RTN4RL1: variants seen among roughly 807,000 people sequenced by gnomAD.
RTN4RL1 encodes the protein reticulon 4 receptor like 1.
In RTN4RL1, 7 loss-of-function variants were observed where a neutral mutation model predicts 25.6. The observed-to-expected ratio is 0.27, with a 90% CI of 0.16 to 0.51. The LOEUF is 0.51. Among genes scored for constraint, RTN4RL1 ranks in the 20% least tolerant of loss-of-function variants. RTN4RL1 has a pLI of 0.97. For missense variants in RTN4RL1, 500 were observed against 615.6 expected (o/e 0.81, Z 1.99); for synonymous variants, 297 against 288.2 (o/e 1.03, Z -0.31).
In RTN4RL1 at chr17:1,937,432, G is replaced by A; in HGVS notation, c.390C>T (p.Leu130=). The A allele has an allele frequency of 6.2e-7, 1 of 1,613,864 alleles. No individual in the cohort carries two copies. The highest frequency in any genetic ancestry group is 1.3e-5 in the African/African-American group (1 of 75,030). ...TFQGLVKLHA[L]YLYKCGLSAL... is the part of the protein sequence containing the mutation. ...CGCTGAGCCCACACTTGTAGAGGTA[G>A]AGGGCGTGAAGCTTCACCAGGCCCT... Residue 130 remains leucine (L), a synonymous_variant, in exon 2 of 2, where the codon CTC becomes CTT. Coordinates refer to ENST00000331238, the MANE Select transcript of RTN4RL1 (RefSeq NM_178568.4).
chr17:2,002,990 A>G (rs538466083), intron 1 of RTN4RL1: 2 of 152,260 alleles, frequency 1.3e-5, no homozygotes, highest in African/African-American at 4.8e-5. Context: ...CCCTCCACCA[A>G]TAACAGGCCT....
intron 1 of RTN4RL1, chr17:2,020,803 G>T (rs868667317): frequency 2.0e-5 from 3 of 152,208 alleles, no homozygotes; most frequent in African/African-American, 7.2e-5. Context: ...TTAAGGAAAG[G>T]TTCTGTATTA....
At chr17:2,023,084 A>G (rs2067229716) in intron 1 of RTN4RL1, among the ~76,000 whole-genome samples, 1 of 152,202 alleles carries the variant, frequency 6.6e-6, no homozygotes, top group African/African-American at 2.4e-5. Flanking sequence ...TAAACTGCCA[A>G]AAGACAAAAG....
At position 1,964,788 on chromosome 17, in the gene RTN4RL1, CTT is replaced by C. The variant is rs34138766; in HGVS notation, c.14-26982_14-26981del. On this transcript the variant is annotated intron_variant, in intron 1 of 1. Transcript: ENST00000331238. ...TTACAGTTTGCATTTCTTTTCTTTT[CTT>C]TTTTTTTTTTTTTTTTGAGATGGAG... is the stretch of plus-strand genomic sequence containing the variant. Among the ~76,000 whole-genome samples, 414 of 124,684 alleles carry C rather than the reference CTT, an allele frequency of 3.3e-3. 1 individual carries two copies. Among genetic ancestry groups the C allele is most frequent in the African/African-American group, 0.011 (384 of 33,450 alleles). The allele number at this position is 124,684 out of a possible 152,430, so 81.8% of individuals were successfully genotyped here.
rs534123682 is a variant in RTN4RL1 at position 1,998,072 on chromosome 17, G to A, written c.13+26781C>T. 1.3e-3 allele frequency among the ~76,000 whole-genome samples: 197 copies of A among 152,130 alleles called. No homozygotes were observed. Among genetic ancestry groups the A allele is most frequent in the African/African-American group, 4.5e-3 (185 of 41,526 alleles). On this transcript the variant is annotated intron_variant, in intron 1 of 1. Coordinates refer to ENST00000331238, the MANE Select transcript of RTN4RL1 (RefSeq NM_178568.4). The surrounding 1 kb of genome is among the most constrained non-coding windows in gnomAD (Gnocchi z 4.9). ...CCGCCCCAGGCCGCGATCGATCCCG[G>A]CCTCTCCCGGCCTCATTACCGAGGG...
At chr17:1,948,219 A>G (rs892350096) in intron 1 of RTN4RL1, among the ~76,000 whole-genome samples, 2 of 152,156 alleles carry the variant, frequency 1.3e-5, no homozygotes, top group African/African-American at 2.4e-5. Context: ...CTCTCTCCCC[A>G]TCGAGCCAGC....
intron 1 of RTN4RL1, among the ~76,000 whole-genome samples, chr17:1,966,469 G>C (rs1467750983): frequency 3.3e-5 from 5 of 152,204 alleles, no homozygotes; most frequent in Admixed American, 2.0e-4. Context: ...CCTGTCCCAA[G>C]GGAGGGAGAG....
At chr17:1,946,841 CTA>C (rs1915558863) in intron 1 of RTN4RL1, among the ~76,000 whole-genome samples, 1 of 137,516 alleles carries the variant, frequency 7.3e-6, no homozygotes, top group South Asian at 2.3e-4. Context: ...CTGTGTGCAT[CTA>C]TGTTGAATGT....
At chr17:1,952,818 T>A (rs958094164) in intron 1 of RTN4RL1, among the ~76,000 whole-genome samples, 1 of 151,516 alleles carries the variant, frequency 6.6e-6, no homozygotes, top group Non-Finnish European at 1.5e-5. Flanking sequence ...AACAGGAGCA[T>A]GTAATCCCAG....
intron 1 of RTN4RL1, among the ~76,000 whole-genome samples, chr17:2,021,842 A>T (rs867567698): frequency 7.2e-6 from 1 of 138,946 alleles, no homozygotes; most frequent in Non-Finnish European, 1.5e-5. Flanking sequence ...GGTGTGAGCC[A>T]CTGTGCCCGG....
intron 1 of RTN4RL1, among the ~76,000 whole-genome samples, chr17:2,004,854 G>C (rs553860551): frequency 6.6e-6 from 1 of 152,298 alleles, no homozygotes; most frequent in East Asian, 1.9e-4. Context: ...AAACTCCAAA[G>C]GGCAGTGAGA....
chr17:2,006,564 C>T (rs901289698), intron 1 of RTN4RL1, among the ~76,000 whole-genome samples: 4 of 152,106 alleles, frequency 2.6e-5, no homozygotes, highest in Middle Eastern at 3.4e-3. Flanking sequence ...GTGACCCTCC[C>T]GCCTCAGCCT....
chr17:1,941,680 G>C (rs943020245), intron 1 of RTN4RL1, among the ~76,000 whole-genome samples: 1 of 152,164 alleles, frequency 6.6e-6, no homozygotes. Flanking sequence ...CCACCCCAGG[G>C]AAGCTGTCCT....
At chr17:1,966,425 AGGGAGG>A (rs1235343994) in intron 1 of RTN4RL1, among the ~76,000 whole-genome samples, 1 of 152,140 alleles carries the variant, frequency 6.6e-6, no homozygotes, top group East Asian at 1.9e-4. Flanking sequence ...AAACCGATGG[AGGGAGG>A]GGGTGTAGGA....
rs1915296123 is a variant in RTN4RL1, at chr17:1,936,052, G to A, written c.*444C>T. On this transcript the variant is annotated 3_prime_UTR_variant, in exon 2 of 2. Coordinates refer to ENST00000331238, the MANE Select transcript of RTN4RL1 (RefSeq NM_178568.4). ...CCTGCTCGTGTGTGCCCAGACTGCT[G>A]GCCACCCAGCCTCGTGGGTGAGCCT... 1 of 994,006 alleles carries A rather than the reference G, an allele frequency of 1.0e-6. No homozygotes were observed. Among genetic ancestry groups the A allele is most frequent in the Non-Finnish European group, 1.2e-6 (1 of 835,388 alleles). 61.6% of individuals were successfully genotyped at this position (994,006 alleles called of 1,614,324 possible).
At chr17:2,021,722 T>C (rs1016954612) in intron 1 of RTN4RL1, among the ~76,000 whole-genome samples, 3 of 151,718 alleles carry the variant, frequency 2.0e-5, no homozygotes, top group Non-Finnish European at 2.9e-5. Flanking sequence ...GCCCGGCTAA[T>C]TTTTGTATTT....
chr17:1,947,738 C>T (rs1915586290), intron 1 of RTN4RL1, among the ~76,000 whole-genome samples: 1 of 152,244 alleles, frequency 6.6e-6, no homozygotes, highest in Non-Finnish European at 1.5e-5. Context: ...TCTCCGGTCT[C>T]CTTGCTGTGA....
intron 1 of RTN4RL1, among the ~76,000 whole-genome samples, chr17:1,939,008 C>T (rs558638423): frequency 1.0e-3 from 151 of 149,416 alleles, no homozygotes; most frequent in African/African-American, 3.6e-3. Context: ...ATTGCACTAC[C>T]ACACTCCAGC....
chr17:1,981,917 G>C (rs970759450), intron 1 of RTN4RL1, among the ~76,000 whole-genome samples: 1 of 152,236 alleles, frequency 6.6e-6, no homozygotes, highest in Non-Finnish European at 1.5e-5. Flanking sequence ...AGGCTATATG[G>C]GATAGCCCAC....
Sources: allele counts gnomAD v4.1 joint callset (sites outside exome capture counted in the v4.1 genomes callset), GRCh38; gene constraint gnomAD v4.1.1; non-coding constraint Gnocchi (gnomAD v3.1); transcripts MANE v1.5; gene names NCBI Gene and HGNC (gene_info 2026-07-23, HGNC 2026-07-21).